POLA1: variants seen among roughly 807,000 people sequenced by gnomAD.
The protein encoded by POLA1 is DNA polymerase alpha 1, catalytic subunit.
POLA1 carries 15 observed loss-of-function variants against 124.0 expected under a neutral mutation model. That is an observed-to-expected ratio of 0.12 (90% confidence interval 0.08 to 0.19). POLA1 has a LOEUF of 0.19. Among genes scored for constraint, POLA1 ranks in the 10% least tolerant of loss-of-function variants. POLA1 has a pLI of 1.00. For synonymous variants in POLA1, 408 were observed against 389.4 expected, an observed-to-expected ratio of 1.05 and a Z score of -0.56; for missense variants, 886 against 1,103.4, an observed-to-expected ratio of 0.80 and a Z score of 2.79.
intron 36 of POLA1, 116 bp from the exon 37 acceptor site, chrX:24,995,689 C>G (rs970918757): frequency 3.1e-6 from 2 of 649,553 alleles, no homozygotes; most frequent in African/African-American, 4.5e-5. Flanking sequence ...CAGGGGTAGA[C>G]CAGAGATAAG....
chrX:24,738,660 A>G (rs7878816), intron 19 of POLA1, among the ~76,000 whole-genome samples: 6,819 of 111,059 alleles, frequency 0.061, 509 homozygotes, highest in African/African-American at 0.21. Context: ...CTTAAAGCCA[A>G]TGTGTACTTT....
At chrX:24,855,894 C>A (rs1304307576) in intron 34 of POLA1, among the ~76,000 whole-genome samples, 1 of 111,813 alleles carries the variant, frequency 8.9e-6, no homozygotes, top group African/African-American at 3.3e-5. Context: ...TAAAACAATC[C>A]ATGTATAAGT....
At chrX:24,967,238 G>A (rs1335092593) in intron 36 of POLA1, among the ~76,000 whole-genome samples, 1 of 105,335 alleles carries the variant, frequency 9.5e-6, no homozygotes, top group African/African-American at 3.5e-5. Flanking sequence ...TTTTTTTTAG[G>A]TACAAGTACT....
intron 26 of POLA1, among the ~76,000 whole-genome samples, chrX:24,796,418 G>C (rs140706030): frequency 4.5e-4 from 50 of 111,210 alleles, no homozygotes; most frequent in African/African-American, 1.6e-3. Context: ...GCCTGCATCA[G>C]ATTTGCTAGT....
intron 35 of POLA1, among the ~76,000 whole-genome samples, chrX:24,896,374 C>A (rs748938217): frequency 5.6e-4 from 63 of 112,283 alleles, no homozygotes; most frequent in Non-Finnish European, 9.8e-4. Flanking sequence ...CTGCATGTGG[C>A]CCAGGACGGC....
At chrX:24,708,647 A>G (rs1412834570) in intron 4 of POLA1, among the ~76,000 whole-genome samples, 1 of 44,980 alleles carries the variant, frequency 2.2e-5, no homozygotes, top group African/African-American at 8.2e-5. Context: ...ACCGCCCTTA[A>G]TCCATTTAAC....
intron 34 of POLA1, 63 bp downstream of exon 34, chrX:24,843,740 G>A (rs2046439007): frequency 5.9e-6 from 5 of 844,834 alleles, no homozygotes. Flanking sequence ...TTGTTTATTG[G>A]TTTTCATGAA....
chrX:24,713,011 C>T (rs1929566474), intron 4 of POLA1, among the ~76,000 whole-genome samples: 1 of 111,375 alleles, frequency 9.0e-6, no homozygotes, highest in Admixed American at 9.5e-5. Context: ...GGCTGGAGCG[C>T]TGGAGTGCAA....
At chrX:24,803,379 A>C (rs996692592) in intron 26 of POLA1, among the ~76,000 whole-genome samples, 1 of 111,583 alleles carries the variant, frequency 9.0e-6, no homozygotes, top group Non-Finnish European at 1.9e-5. Context: ...TGCAATAGAC[A>C]CAGGATAGCT....
At chrX:24,855,424 A>G (rs370023158) in intron 34 of POLA1, among the ~76,000 whole-genome samples, 1 of 111,672 alleles carries the variant, frequency 9.0e-6, no homozygotes, top group Admixed American at 9.5e-5. Flanking sequence ...TCCATCTGCG[A>G]CCCACCATAC....
At chrX:24,705,930 T>G (rs1928774236) in intron 4 of POLA1, among the ~76,000 whole-genome samples, 1 of 112,399 alleles carries the variant, frequency 8.9e-6, no homozygotes, top group Admixed American at 9.4e-5. Flanking sequence ...TGACGTCACT[T>G]GTACCATTAT....
At chrX:24,820,651 A>G (rs1235838556) in intron 30 of POLA1, among the ~76,000 whole-genome samples, 4 of 109,330 alleles carry the variant, frequency 3.7e-5, no homozygotes, top group Non-Finnish European at 7.6e-5. Context: ...TTACCTTTCT[A>G]AGTTCTCTCC....
In POLA1 at chrX:24,862,623, G is replaced by A. The variant is rs187430002; in HGVS notation, c.4047+18946G>A. On this transcript the variant is annotated intron_variant, in intron 34 of 36. Transcript: ENST00000379068. ...CATTAAGAAAAAAGATACTGTTGAA[G>A]ACCCCAGATTGCAAAAGCAGTGCCA... Among the ~76,000 whole-genome samples the A allele has an allele frequency of 2.0e-3, 221 of 111,560 alleles. 1 individual carries two copies. The highest frequency in any genetic ancestry group is 3.4e-3 in the Non-Finnish European group (181 of 53,042).
At chrX:24,779,171 C>T (rs987737401) in intron 26 of POLA1, among the ~76,000 whole-genome samples, 10 of 110,308 alleles carry the variant, frequency 9.1e-5, no homozygotes, top group African/African-American at 2.6e-4. Context: ...CTCTGCCTCC[C>T]GGGTTCAAGC....
At chrX:24,710,748 C>G (rs1169724226) in intron 4 of POLA1, among the ~76,000 whole-genome samples, 7 of 103,372 alleles carry the variant, frequency 6.8e-5, no homozygotes, top group Non-Finnish European at 1.2e-4. Flanking sequence ...CTCACTGCAA[C>G]CTCTCCCTCC....
At chrX:24,817,359 C>T (rs1268318867) in intron 30 of POLA1, among the ~76,000 whole-genome samples, 1 of 110,823 alleles carries the variant, frequency 9.0e-6, no homozygotes, top group Non-Finnish European at 1.9e-5. Flanking sequence ...CCTGTAATCC[C>T]AGCACTTTGG....
At chrX:24,941,875 G>A (rs1486018344) in intron 36 of POLA1, among the ~76,000 whole-genome samples, 2 of 112,165 alleles carry the variant, frequency 1.8e-5, no homozygotes, top group African/African-American at 3.2e-5. Context: ...AAACTAGTTC[G>A]TAGAAAGATA....
At position 24,748,374 on chromosome X, in the gene POLA1, A is replaced by G. The variant is rs1376276704; in HGVS notation, c.2755A>G (p.Arg919Gly). ...DPSLEMGILP[R>G]EIRKLVERRK... ...AAGCTTAGAAATGGGCATTTTGCCC[A>G]GAGAGATCCGGAAACTGGTAGAACG... The change falls in exon 25 of 37, where the codon AGA becomes GGA. Residue 919 changes from arginine to glycine, a missense_variant. Physicochemically the swap from Arg to Gly is moderately radical, Grantham distance 125 (BLOSUM62 -2). Around this residue, in one of 7 missense-constraint regions of POLA1, gnomAD observed 182 missense variants for 252.8 expected, o/e 0.72. Coordinates refer to ENST00000379068, the MANE Select transcript of POLA1 (RefSeq NM_001330360.2). 8.3e-7 allele frequency: 1 copy of G among 1,199,270 alleles called. No homozygotes were observed.
At chrX:24,771,947 C>G (rs1489370383) in intron 26 of POLA1, among the ~76,000 whole-genome samples, 2 of 111,715 alleles carry the variant, frequency 1.8e-5, no homozygotes, top group Non-Finnish European at 3.8e-5. Flanking sequence ...TTATGCACTT[C>G]CATCTTTCCA....
Sources: allele counts gnomAD v4.1 joint callset (sites outside exome capture counted in the v4.1 genomes callset), GRCh38; gene constraint gnomAD v4.1.1; regional missense constraint gnomAD v4.1.1; transcripts MANE v1.5; gene names NCBI Gene and HGNC (gene_info 2026-07-23, HGNC 2026-07-21).